Variants in SEL1L2 observed in about 807,000 individuals in gnomAD.
SEL1L2 encodes SEL1L2 adaptor subunit of SYVN1 ubiquitin ligase, also known as protein sel-1 homolog 2.
SEL1L2 carries 89 observed loss-of-function variants against 98.8 expected under a neutral mutation model. The observed-to-expected ratio is 0.90, with a 90% CI of 0.76 to 1.07. SEL1L2 has a LOEUF of 1.07. Ranked by LOEUF, SEL1L2 falls within the 50% of genes least tolerant of loss-of-function variation. The pLI, the probability that SEL1L2 is intolerant of heterozygous loss-of-function variation, is 0.00. For synonymous variants in SEL1L2, 262 were observed against 278.5 expected (o/e 0.94, Z 0.59); for missense variants, 788 against 812.0 (o/e 0.97, Z 0.36).
intron 10 of SEL1L2, among the ~76,000 whole-genome samples, chr20:13,882,307 G>GCAGTACACAGTACT (rs2046741590): frequency 2.0e-5 from 3 of 152,136 alleles, no homozygotes; most frequent in Non-Finnish European, 4.4e-5. Flanking sequence ...ACTATGGTAT[G>GCAGTACACAGTACT]TTGCAAGAAT....
At chr20:13,994,363 T>G (rs757285482), upstream of SEL1L2, among the ~76,000 whole-genome samples, 173 of 151,266 alleles carry the variant, frequency 1.1e-3, no homozygotes, top group Non-Finnish European at 1.5e-3. Flanking sequence ...ATCATCCTTA[T>G]GAGAGTGTCC....
rs568657473 is a variant in SEL1L2, at chr20:13,989,958, G to T, written c.58+519C>A. ...ACATTATATGAGGATTGGGTAAAAAGTAACTAAAAAAATGGCCAAAGAAAC... is the reference window on the plus strand; with the variant it reads ...ACATTATATGAGGATTGGGTAAAAATTAACTAAAAAAATGGCCAAAGAAAC... On this transcript the variant is annotated intron_variant, in intron 1 of 19. Transcript: ENST00000284951. Among the ~76,000 whole-genome samples, 8 of 152,068 alleles carry T rather than the reference G, an allele frequency of 5.3e-5. No individual in the cohort carries two copies. The East Asian group carries it at 1.5e-3, about 29-fold the overall frequency.
intron 4 of SEL1L2, among the ~76,000 whole-genome samples, chr20:13,916,210 G>A (rs1181306041): frequency 6.6e-6 from 1 of 152,290 alleles, no homozygotes; most frequent in Non-Finnish European, 1.5e-5. Flanking sequence ...GTGTGGAGGA[G>A]CCAAAAGGAT....
At chr20:13,889,208 C>G (rs982971653) in intron 5 of SEL1L2, among the ~76,000 whole-genome samples, 11 of 150,044 alleles carry the variant, frequency 7.3e-5, no homozygotes, top group Non-Finnish European at 1.6e-4. Context: ...CATCTAAGGC[C>G]AGGCTGACCT....
chr20:13,918,815 A>G (rs918331884), intron 4 of SEL1L2, among the ~76,000 whole-genome samples: 2 of 152,232 alleles, frequency 1.3e-5, no homozygotes, highest in Non-Finnish European at 2.9e-5. Flanking sequence ...GGGGACTGCA[A>G]TCTCACATGC....
chr20:13,912,197 A>G (rs1202803115), intron 5 of SEL1L2, among the ~76,000 whole-genome samples: 1 of 152,130 alleles, frequency 6.6e-6, no homozygotes, highest in Non-Finnish European at 1.5e-5. Context: ...TTCTGGTTCA[A>G]CTAAACATAC....
At chr20:13,897,591 A>G (rs1268171459) in intron 5 of SEL1L2, among the ~76,000 whole-genome samples, 1 of 152,216 alleles carries the variant, frequency 6.6e-6, no homozygotes, top group Non-Finnish European at 1.5e-5. Flanking sequence ...AAATGGGTAA[A>G]GAACTTGAAT....
At chr20:13,989,547 G>C (rs1322553094) in intron 1 of SEL1L2, among the ~76,000 whole-genome samples, 1 of 152,178 alleles carries the variant, frequency 6.6e-6, no homozygotes, top group Non-Finnish European at 1.5e-5. Context: ...TCTTATTCCT[G>C]ATGTTAGGGA....
intron 1 of SEL1L2, among the ~76,000 whole-genome samples, chr20:13,985,436 G>T (rs2052114913): frequency 6.6e-6 from 1 of 152,164 alleles, no homozygotes; most frequent in Non-Finnish European, 1.5e-5. Flanking sequence ...TCAAGATTCT[G>T]TCTATGCCAT....
At chr20:13,964,116 C>T (rs2050914820) in intron 1 of SEL1L2, among the ~76,000 whole-genome samples, 1 of 151,822 alleles carries the variant, frequency 6.6e-6, no homozygotes, top group African/African-American at 2.4e-5. Flanking sequence ...CCTCATGATC[C>T]ACCCGCCTCG....
At chr20:13,913,998 C>T in intron 4 of SEL1L2, 54 bp from the exon 5 acceptor site, 1 of 1,449,386 alleles carries the variant, frequency 6.9e-7, no homozygotes, top group Non-Finnish European at 9.3e-7. Flanking sequence ...ATTTTCTTCT[C>T]CTTCTTCAAC....
At chr20:13,858,745 T>C (rs971919640) in intron 18 of SEL1L2, among the ~76,000 whole-genome samples, 1 of 150,032 alleles carries the variant, frequency 6.7e-6, no homozygotes, top group Non-Finnish European at 1.5e-5. Flanking sequence ...TCAAGTGTAG[T>C]CTTGGGGGAC....
intron 2 of SEL1L2, among the ~76,000 whole-genome samples, chr20:13,939,312 G>C (rs938236673): frequency 1.3e-5 from 2 of 151,808 alleles, no homozygotes; most frequent in Non-Finnish European, 2.9e-5. Flanking sequence ...CAAAACGCTG[G>C]GATTACAGGC....
At chr20:13,867,219 C>A (rs986632799) in intron 14 of SEL1L2, among the ~76,000 whole-genome samples, 4 of 152,194 alleles carry the variant, frequency 2.6e-5, no homozygotes, top group Admixed American at 1.3e-4. Context: ...TGTGATCCTT[C>A]CATATCAGGA....
intron 12 of SEL1L2, among the ~76,000 whole-genome samples, chr20:13,873,863 C>A (rs2147884419): frequency 6.6e-6 from 1 of 152,252 alleles, no homozygotes; most frequent in East Asian, 1.9e-4. Flanking sequence ...CCTGGCAGGA[C>A]CTTTGCCCTC....
intron 17 of SEL1L2, among the ~76,000 whole-genome samples, chr20:13,861,510 G>C (rs1489222885): frequency 6.6e-6 from 1 of 151,832 alleles, no homozygotes; most frequent in Non-Finnish European, 1.5e-5. Context: ...GTTTTATTGA[G>C]ATACAATTCA....
At chr20:13,903,738 G>C (rs1011645232) in intron 5 of SEL1L2, among the ~76,000 whole-genome samples, 7 of 152,102 alleles carry the variant, frequency 4.6e-5, no homozygotes, top group South Asian at 2.1e-4. Context: ...TTGAACCCGG[G>C]GGGGAGACGG....
chr20:13,850,327 G>C lies in SEL1L2; in HGVS notation c.1819-8C>G. On this transcript the variant is annotated splice_region_variant and splice_polypyrimidine_tract_variant and intron_variant, in intron 18 of 19. Transcript: ENST00000284951. ...TCTGGCCAAGTGAATGTCCTAGAAG[G>C]AGAAGAATAGCCCTACCCATCAGAT... 1 of 1,613,892 alleles carries C rather than the reference G, an allele frequency of 6.2e-7. No individual in the cohort carries two copies. Among genetic ancestry groups the C allele is most frequent in the Non-Finnish European group, 8.5e-7 (1 of 1,179,800 alleles).
Position 13,891,663 on chromosome 20 carries a change from C to CAA in SEL1L2, c.550-3153_550-3152dup, listed in dbSNP as rs61545047. Among the ~76,000 whole-genome samples the CAA allele has an allele frequency of 4.5e-3, 332 of 74,102 alleles. 2 individuals carry two copies. Among genetic ancestry groups the CAA allele is most frequent in the African/African-American group, 8.8e-3 (146 of 16,500 alleles). 48.6% of individuals were successfully genotyped at this position (74,102 alleles called of 152,430 possible). On this transcript the variant is annotated intron_variant, in intron 5 of 19. Transcript: ENST00000284951. ...GCCTGGTGACAGAGCAAGACTCCAT[C>CAA]AAAAAAAAAAAAAAAAAAAAAAGGA...
Sources: allele counts gnomAD v4.1 joint callset (sites outside exome capture counted in the v4.1 genomes callset), GRCh38; gene constraint gnomAD v4.1.1; transcripts MANE v1.5; gene names NCBI Gene and HGNC (gene_info 2026-07-23, HGNC 2026-07-21).